Variants in SH3RF3 observed in about 807,000 individuals in gnomAD.
The protein encoded by SH3RF3 is SH3 domain containing ring finger 3.
SH3RF3 carries 29 observed loss-of-function variants against 66.3 expected under a neutral mutation model. That is an observed-to-expected ratio of 0.44 (90% CI 0.33 to 0.60). SH3RF3 has a LOEUF of 0.60. SH3RF3 is among the 20% of genes least tolerant of loss of function. SH3RF3 has a pLI of 0.04. For missense variants in SH3RF3, 1,194 were observed against 1,190.9 expected (o/e 1.00, Z -0.04); for synonymous variants, 583 against 532.0 (o/e 1.10, Z -1.32).
chr2:109,444,599 TTGA>T (rs1677657696), intron 7 of SH3RF3, among the ~76,000 whole-genome samples: 1 of 152,084 alleles, frequency 6.6e-6, no homozygotes, highest in African/African-American at 2.4e-5. Flanking sequence ...GGTGCTGAGT[TTGA>T]GGATGGCTCT....
At chr2:109,200,189 G>C (rs1678636291) in intron 1 of SH3RF3, among the ~76,000 whole-genome samples, 1 of 152,114 alleles carries the variant, frequency 6.6e-6, no homozygotes, top group Non-Finnish European at 1.5e-5. Flanking sequence ...CAAGAGAACA[G>C]AATAAGAAAC....
intron 8 of SH3RF3, among the ~76,000 whole-genome samples, chr2:109,484,162 G>T (rs1342942327): frequency 6.6e-6 from 1 of 151,140 alleles, no homozygotes; most frequent in Non-Finnish European, 1.5e-5. Flanking sequence ...TGCCTTCTGG[G>T]TTCAAGCGAT....
chr2:109,338,432 C>CTT, intron 1 of SH3RF3, among the ~76,000 whole-genome samples: 2 of 145,944 alleles, frequency 1.4e-5, no homozygotes, highest in African/African-American at 5.0e-5. Context: ...CTTAGGGAAA[C>CTT]TTTTTTTTTT....
chr2:109,249,467 C>CTCTTTCTTTCTTTCTTTCTTTCTTTCTT (rs759428314), intron 1 of SH3RF3, among the ~76,000 whole-genome samples: 14 of 99,360 alleles, frequency 1.4e-4, no homozygotes, highest in Non-Finnish European at 2.0e-4. Flanking sequence ...TTCTCTCTTT[C>CTCTTTCTTTCTTTCTTTCTTTCTTTCTT]TCTTTCTTTC....
chr2:109,269,925 TAAC>T (rs1008461935), intron 1 of SH3RF3, among the ~76,000 whole-genome samples: 4 of 152,226 alleles, frequency 2.6e-5, no homozygotes, highest in Non-Finnish European at 4.4e-5. Flanking sequence ...AAGCAAAACG[TAAC>T]TACTACTAAT....
At chr2:109,458,175 G>A (rs1055366157) in intron 8 of SH3RF3, among the ~76,000 whole-genome samples, 2 of 152,166 alleles carry the variant, frequency 1.3e-5, no homozygotes, top group African/African-American at 4.8e-5. Context: ...GATAAGCTAT[G>A]TGCTTGCTTA....
intron 1 of SH3RF3, among the ~76,000 whole-genome samples, chr2:109,149,120 G>A (rs1161547864): frequency 9.9e-5 from 15 of 152,186 alleles, no homozygotes; most frequent in Admixed American, 9.8e-4. Context: ...CTGGGAAGGA[G>A]CAGGGAGCCA....
chr2:109,181,259 C>T (rs1678067837), intron 1 of SH3RF3, among the ~76,000 whole-genome samples: 1 of 152,160 alleles, frequency 6.6e-6, no homozygotes, highest in Admixed American at 6.5e-5. Context: ...CTGTATACCC[C>T]TTGCCCAGTC....
chr2:109,313,138 C>T (rs1012948103), intron 1 of SH3RF3, among the ~76,000 whole-genome samples: 2 of 152,174 alleles, frequency 1.3e-5, no homozygotes, highest in Non-Finnish European at 2.9e-5. Context: ...CTGTGCCTGT[C>T]AGCTTCATCT....
intron 1 of SH3RF3, among the ~76,000 whole-genome samples, chr2:109,243,968 G>T (rs1337161593): frequency 6.6e-6 from 1 of 152,210 alleles, no homozygotes; most frequent in Non-Finnish European, 1.5e-5. Flanking sequence ...TGGTGGTTCT[G>T]TTTGCCCTGC....
chr2:109,381,864 A>T (rs751936011), intron 3 of SH3RF3, among the ~76,000 whole-genome samples: 2 of 152,098 alleles, frequency 1.3e-5, no homozygotes, highest in Non-Finnish European at 2.9e-5. Context: ...AAAGCTGTGC[A>T]TGTTTATAAG....
At chr2:109,420,101 T>G (rs970579013) in intron 5 of SH3RF3, among the ~76,000 whole-genome samples, 1 of 152,238 alleles carries the variant, frequency 6.6e-6, no homozygotes, top group Non-Finnish European at 1.5e-5. Flanking sequence ...GCATGCCAGC[T>G]GCATCTCATC....
chr2:109,430,572 C>A (rs1460267838), intron 5 of SH3RF3, among the ~76,000 whole-genome samples: 2 of 152,100 alleles, frequency 1.3e-5, no homozygotes, highest in African/African-American at 2.4e-5. Context: ...CACCTCTCCC[C>A]GTTCTCCTCT....
chr2:109,230,859 C>T (rs1290634527), intron 1 of SH3RF3, among the ~76,000 whole-genome samples: 1 of 152,210 alleles, frequency 6.6e-6, no homozygotes, highest in Non-Finnish European at 1.5e-5. Context: ...CCTAGGAGTT[C>T]ACTGGCCAAT....
intron 4 of SH3RF3, among the ~76,000 whole-genome samples, chr2:109,409,596 C>T (rs1022662492): frequency 1.3e-5 from 2 of 152,100 alleles, no homozygotes; most frequent in East Asian, 1.9e-4. Flanking sequence ...AGCAGTTCCC[C>T]TCACCAGCTG....
At position 109,213,417 on chromosome 2, in the gene SH3RF3, G is replaced by A. The variant is rs569817556; in HGVS notation, c.573+83304G>A. On this transcript the variant is annotated intron_variant, in intron 1 of 9. Transcript: ENST00000309415. ...CCTCAAACCTCCCTCATTTTATTAG[G>A]GAAGAAAGTGTTCCCAGAAGCATCC... is the stretch of plus-strand genomic sequence containing the variant. Among the ~76,000 whole-genome samples, 7 of 152,320 alleles carry A rather than the reference G, an allele frequency of 4.6e-5. No individual in the cohort carries two copies. In the South Asian group the frequency reaches 1.5e-3, roughly 32 times the overall value.
At chr2:109,216,859 T>G (rs1361887719) in intron 1 of SH3RF3, among the ~76,000 whole-genome samples, 1 of 152,186 alleles carries the variant, frequency 6.6e-6, no homozygotes, top group Non-Finnish European at 1.5e-5. Flanking sequence ...ACATTCTCAT[T>G]GTTGTGAAAC....
At chr2:109,400,350 A>T (rs1047479450) in intron 4 of SH3RF3, among the ~76,000 whole-genome samples, 1 of 151,878 alleles carries the variant, frequency 6.6e-6, no homozygotes, top group Non-Finnish European at 1.5e-5. Context: ...ATGTGCACTT[A>T]CATACACCGC....
At chr2:109,339,952 T>G (rs1559031990) in intron 1 of SH3RF3, among the ~76,000 whole-genome samples, 1 of 152,270 alleles carries the variant, frequency 6.6e-6, no homozygotes, top group East Asian at 1.9e-4. Context: ...GGCAGGTGGT[T>G]GGAAGCTGGT....
Sources: gnomAD v4.1 joint callset for allele counts (sites outside exome capture counted in the v4.1 genomes callset) on GRCh38, gnomAD v4.1.1 for gene constraint, MANE v1.5 for transcripts, NCBI Gene and HGNC (gene_info 2026-07-23, HGNC 2026-07-21) for gene names.